Variants in LRRC49 observed in about 807,000 individuals in gnomAD.
LRRC49 encodes leucine rich repeat containing 49.
A neutral mutation model predicts 83.3 loss-of-function variants in LRRC49; 50 were observed. The ratio of observed to expected loss-of-function variants is 0.60; its 90% CI spans 0.48 to 0.76. The LOEUF (loss-of-function observed/expected upper bound fraction) is 0.76. LRRC49 is among the 30% of genes least tolerant of loss of function. LRRC49 has a pLI of 0.00. For missense variants in LRRC49, 704 were observed against 809.1 expected, an observed-to-expected ratio of 0.87 and a Z score of 1.58; for synonymous variants, 286 against 283.3, an observed-to-expected ratio of 1.01 and a Z score of -0.10.
At chr15:71,001,116 G>T (rs2038239932) in intron 11 of LRRC49, among the ~76,000 whole-genome samples, 1 of 151,780 alleles carries the variant, frequency 6.6e-6, no homozygotes. Context: ...CTCCCATTTT[G>T]TCTTCCTAAA....
intron 8 of LRRC49, among the ~76,000 whole-genome samples, chr15:70,944,132 G>T (rs575980056): frequency 5.8e-4 from 89 of 152,220 alleles, no homozygotes; most frequent in African/African-American, 2.0e-3. Flanking sequence ...ATGAGGAGGG[G>T]CCTCTAGTAC....
intron 6 of LRRC49, among the ~76,000 whole-genome samples, chr15:70,917,368 A>G (rs781440429): frequency 1.1e-4 from 17 of 152,222 alleles, no homozygotes; most frequent in Middle Eastern, 3.4e-3. Flanking sequence ...CCATGGGCCA[A>G]TCAGCACTCA....
chr15:70,896,869 T>C (rs552959229), intron 3 of LRRC49, among the ~76,000 whole-genome samples: 2 of 152,318 alleles, frequency 1.3e-5, no homozygotes, highest in East Asian at 3.9e-4. Flanking sequence ...TTCTCTTTCC[T>C]ACATTCTACA....
At chr15:71,048,078 ATTTT>A (rs760450220) in intron 15 of LRRC49, among the ~76,000 whole-genome samples, 4 of 106,720 alleles carry the variant, frequency 3.7e-5, no homozygotes, top group African/African-American at 7.2e-5. Flanking sequence ...ACCGGGCCAA[ATTTT>A]TTTTTTTTTT....
intron 15 of LRRC49, among the ~76,000 whole-genome samples, chr15:71,040,944 C>T (rs1255353063): frequency 6.6e-6 from 1 of 152,066 alleles, no homozygotes; most frequent in Non-Finnish European, 1.5e-5. Flanking sequence ...CTTTTAGGAC[C>T]TGAGAACAGC....
chr15:70,938,535 G>A (rs918433205), intron 8 of LRRC49, among the ~76,000 whole-genome samples: 5 of 152,080 alleles, frequency 3.3e-5, no homozygotes, highest in African/African-American at 7.2e-5. Flanking sequence ...TGGTCCAGGA[G>A]GTGGTATAGT....
At chr15:70,989,684 T>C (rs2037783809) in intron 11 of LRRC49, among the ~76,000 whole-genome samples, 1 of 152,242 alleles carries the variant, frequency 6.6e-6, no homozygotes, top group South Asian at 2.1e-4. Flanking sequence ...GGAGCTGTGT[T>C]ACTTTGGAGG....
At chr15:70,966,533 A>G (rs905949737) in intron 9 of LRRC49, among the ~76,000 whole-genome samples, 5 of 152,098 alleles carry the variant, frequency 3.3e-5, no homozygotes, top group African/African-American at 4.8e-5. Flanking sequence ...TCTGTTTGAG[A>G]AATTGTATAA....
chr15:70,948,495 G>GTT (rs34256149), intron 8 of LRRC49, among the ~76,000 whole-genome samples: 1,781 of 140,632 alleles, frequency 0.013, 18 homozygotes, highest in East Asian at 0.049. Context: ...CATTAGCAAA[G>GTT]TTTTTTTTTT....
intron 11 of LRRC49, among the ~76,000 whole-genome samples, chr15:70,993,298 G>A (rs1041111196): frequency 1.3e-5 from 2 of 152,214 alleles, no homozygotes; most frequent in African/African-American, 2.4e-5. Flanking sequence ...CCCTTGGCTA[G>A]GAAAGGGAAT....
chr15:70,920,951 A>AT (rs574741857), intron 7 of LRRC49, among the ~76,000 whole-genome samples: 170 of 151,772 alleles, frequency 1.1e-3, no homozygotes, highest in African/African-American at 3.8e-3. Flanking sequence ...CTCTTCCATC[A>AT]TTTTTTTCTC....
Position 70,859,411 on chromosome 15 carries a change from G to A in LRRC49, c.-299+5942G>A, listed in dbSNP as rs566148199. 173 of 751,444 alleles carry A rather than the reference G, an allele frequency of 2.3e-4. 2 individuals carry two copies. The African/African-American group carries it at 2.8e-3, about 12-fold the overall frequency. The allele number at this position is 751,444 out of a possible 1,614,324, so 46.5% of individuals were successfully genotyped here. On this transcript the variant is annotated intron_variant, in intron 1 of 16. Transcript: ENST00000544974. ...GGCAGCTGTTTGAAGAGGAGATCTG[G>A]GAGCTGCAGTCCCACATCTCGGACA...
At chr15:70,876,017 T>C (rs1240173445) in intron 2 of LRRC49, among the ~76,000 whole-genome samples, 1 of 152,236 alleles carries the variant, frequency 6.6e-6, no homozygotes, top group East Asian at 1.9e-4. Flanking sequence ...ATTCAATTAA[T>C]GGATAAGACA....
At chr15:70,892,124 C>A (rs1397951830), upstream of LRRC49, 20 of 1,613,888 alleles carry the variant, frequency 1.2e-5, no homozygotes, top group Non-Finnish European at 1.7e-5. Context: ...GATGACCGAG[C>A]GGTCATTGCC....
intron 2 of LRRC49, among the ~76,000 whole-genome samples, chr15:70,875,491 A>G (rs898739824): frequency 3.9e-5 from 6 of 152,188 alleles, no homozygotes; most frequent in Non-Finnish European, 7.3e-5. Context: ...TACTTTACAG[A>G]TGAGGGAACG....
intron 8 of LRRC49, among the ~76,000 whole-genome samples, chr15:70,955,787 C>A (rs965638133): frequency 7.9e-5 from 12 of 152,120 alleles, no homozygotes; most frequent in Non-Finnish European, 1.6e-4. Flanking sequence ...TTTAGTTCAT[C>A]ATTCTCTCAG....
chr15:70,953,325 G>C (rs944896865), intron 8 of LRRC49, among the ~76,000 whole-genome samples: 2 of 152,148 alleles, frequency 1.3e-5, no homozygotes, highest in African/African-American at 2.4e-5. Context: ...GGCAGGTCTA[G>C]GGGTAATGAA....
intron 2 of LRRC49, among the ~76,000 whole-genome samples, chr15:70,884,402 A>G (rs574801292): frequency 1.3e-5 from 2 of 152,064 alleles, no homozygotes; most frequent in Admixed American, 1.3e-4. Flanking sequence ...ATGGTGGTAC[A>G]TCAGCTATTC....
intron 2 of LRRC49, 21 bp from the exon 3 acceptor site, chr15:70,895,828 T>G (rs761492001): frequency 6.6e-7 from 1 of 1,504,048 alleles, no homozygotes; most frequent in South Asian, 1.2e-5. Context: ...AAATATTTTT[T>G]TCTTTAATAA....
Sources: allele counts gnomAD v4.1 joint callset (sites outside exome capture counted in the v4.1 genomes callset), GRCh38; gene constraint gnomAD v4.1.1; transcripts MANE v1.5; gene names NCBI Gene and HGNC (gene_info 2026-07-23, HGNC 2026-07-21).